PCDH11X: variants seen among roughly 807,000 people sequenced by gnomAD.
PCDH11X encodes the protein protocadherin-11 X-linked.
A neutral mutation model predicts 53.3 loss-of-function variants in PCDH11X; 18 were observed. That is an observed-to-expected ratio of 0.34 (90% confidence interval 0.23 to 0.50). The LOEUF (loss-of-function observed/expected upper bound fraction) is 0.50. PCDH11X is among the 20% of genes least tolerant of loss of function. The pLI is 0.98. For synonymous variants in PCDH11X, 279 were observed against 393.3 expected, an observed-to-expected ratio of 0.71 and a Z score of 3.44; for missense variants, 570 against 1,032.4, an observed-to-expected ratio of 0.55 and a Z score of 6.14.
At chrX:91,809,895 A>G (rs1936242361) in intron 2 of PCDH11X, among the ~76,000 whole-genome samples, 1 of 111,177 alleles carries the variant, frequency 9.0e-6, no homozygotes, top group African/African-American at 3.3e-5. Context: ...GCATAGGATT[A>G]CCACTTCCCA....
intron 6 of PCDH11X, among the ~76,000 whole-genome samples, chrX:92,046,526 T>C (rs1478073467): frequency 4.5e-5 from 5 of 111,221 alleles, no homozygotes; most frequent in African/African-American, 1.6e-4. Flanking sequence ...ACTAAAAACA[T>C]GTGTTGTTTG....
At chrX:92,240,107 T>A (rs1283943578) in intron 7 of PCDH11X, among the ~76,000 whole-genome samples, 1 of 111,893 alleles carries the variant, frequency 8.9e-6, no homozygotes, top group Non-Finnish European at 1.9e-5. Flanking sequence ...GATTCTTTGT[T>A]CAGGGTTTCA....
intron 9 of PCDH11X, among the ~76,000 whole-genome samples, chrX:92,450,396 CAAA>C (rs1231221385): frequency 1.8e-3 from 178 of 100,001 alleles, no homozygotes; most frequent in Middle Eastern, 0.016. Context: ...ATACTTGAAA[CAAA>C]GAAGTGTACA....
chrX:91,960,527 C>T (rs1265776730), intron 6 of PCDH11X, among the ~76,000 whole-genome samples: 3 of 110,661 alleles, frequency 2.7e-5, no homozygotes, highest in African/African-American at 6.6e-5. Flanking sequence ...CAGGTTCAAG[C>T]GATTCTCCCA....
chrX:92,165,191 G>A (rs1250133362), intron 6 of PCDH11X, among the ~76,000 whole-genome samples: 1 of 111,799 alleles, frequency 8.9e-6, no homozygotes, highest in African/African-American at 3.3e-5. Flanking sequence ...CATAAATAGA[G>A]TTTAAAAAGA....
chrX:92,531,559 A>G (rs1201511545), intron 10 of PCDH11X, among the ~76,000 whole-genome samples: 1 of 110,292 alleles, frequency 9.1e-6, no homozygotes, highest in Non-Finnish European at 1.9e-5. Context: ...AAATTGACAT[A>G]TGAAGTTTTT....
intron 10 of PCDH11X, among the ~76,000 whole-genome samples, chrX:92,557,887 A>G (rs1311221995): frequency 9.2e-6 from 1 of 109,144 alleles, no homozygotes; most frequent in Non-Finnish European, 1.9e-5. Context: ...ACAGTTCTGC[A>G]TTGCTGGGGA....
chrX:92,453,739 C>G, intron 9 of PCDH11X, among the ~76,000 whole-genome samples: 1 of 110,756 alleles, frequency 9.0e-6, no homozygotes, highest in Middle Eastern at 4.7e-3. Context: ...TTTGAAATAG[C>G]GTTTAAAATA....
At chrX:92,058,138 A>G (rs1426712006) in intron 6 of PCDH11X, among the ~76,000 whole-genome samples, 4 of 105,868 alleles carry the variant, frequency 3.8e-5, no homozygotes, top group Non-Finnish European at 7.7e-5. Context: ...TATTAAAATT[A>G]TCTAAGATAT....
intron 6 of PCDH11X, among the ~76,000 whole-genome samples, chrX:91,967,050 C>A (rs1190010917): frequency 3.6e-4 from 33 of 90,475 alleles, no homozygotes; most frequent in Non-Finnish European, 5.8e-4. Flanking sequence ...TCTGATTGTT[C>A]AACCCCCACT....
At chrX:91,782,398 G>A (rs1473966732) in intron 1 of PCDH11X, among the ~76,000 whole-genome samples, 1 of 101,669 alleles carries the variant, frequency 9.8e-6, no homozygotes, top group African/African-American at 3.7e-5. Flanking sequence ...CAACATTTTA[G>A]AGGGCAAGTG....
At chrX:92,217,519 T>G (rs2066748085) in intron 7 of PCDH11X, among the ~76,000 whole-genome samples, 1 of 99,886 alleles carries the variant, frequency 1.0e-5, no homozygotes, top group South Asian at 5.2e-4. Flanking sequence ...TAAATATGTA[T>G]GCACCCAATA....
intron 6 of PCDH11X, among the ~76,000 whole-genome samples, chrX:92,197,964 A>G (rs112834934): frequency 7.9e-4 from 88 of 111,803 alleles, no homozygotes; most frequent in African/African-American, 2.7e-3. Context: ...TAGATTTTGA[A>G]ACAATAGTGG....
intron 6 of PCDH11X, among the ~76,000 whole-genome samples, chrX:91,912,446 A>G (rs1941401322): frequency 9.0e-6 from 1 of 110,532 alleles, no homozygotes; most frequent in Non-Finnish European, 1.9e-5. Context: ...TATTTTTTCT[A>G]TTCCTAGTTT....
chrX:92,608,167 A>G (rs1300896083), intron 10 of PCDH11X, among the ~76,000 whole-genome samples: 1 of 103,157 alleles, frequency 9.7e-6, no homozygotes, highest in African/African-American at 3.8e-5. Context: ...ATTATCACTC[A>G]GCAAGCACAC....
At chrX:91,846,949 T>C (rs1262263986) in intron 5 of PCDH11X, among the ~76,000 whole-genome samples, 2 of 112,209 alleles carry the variant, frequency 1.8e-5, no homozygotes, top group Admixed American at 1.9e-4. Flanking sequence ...TTTGCTTTCC[T>C]AGTTGCAGTT....
chrX:92,448,196 G>A (rs2072699051), intron 9 of PCDH11X, among the ~76,000 whole-genome samples: 2 of 107,301 alleles, frequency 1.9e-5, no homozygotes, highest in African/African-American at 3.4e-5. Flanking sequence ...TTAAGACTTT[G>A]GGAGACTGTT....
chrX:92,547,037 A>T (rs1253000054), intron 10 of PCDH11X, among the ~76,000 whole-genome samples: 8 of 108,827 alleles, frequency 7.4e-5, no homozygotes, highest in Non-Finnish European at 1.5e-4. Flanking sequence ...GGAAGAAATG[A>T]TTTTCCTCCT....
chrX:92,000,090 C>T (rs992232901), intron 6 of PCDH11X, among the ~76,000 whole-genome samples: 2 of 111,228 alleles, frequency 1.8e-5, no homozygotes, highest in African/African-American at 6.5e-5. Flanking sequence ...AAGAAAGTAA[C>T]GATTATATAT....
Sources: gnomAD v4.1 joint callset for allele counts (sites outside exome capture counted in the v4.1 genomes callset) on GRCh38, gnomAD v4.1.1 for gene constraint, MANE v1.5 for transcripts, NCBI Gene and HGNC (gene_info 2026-07-23, HGNC 2026-07-21) for gene names.